Variants in HEXB observed in about 807,000 individuals in gnomAD.
The protein encoded by HEXB is beta-hexosaminidase subunit beta.
In HEXB, 51 loss-of-function variants were observed where a neutral mutation model predicts 71.2. The ratio of observed to expected loss-of-function variants is 0.72; its 90% CI spans 0.57 to 0.90. HEXB has a LOEUF of 0.90. HEXB is among the 40% of genes least tolerant of loss of function. The probability of loss-of-function intolerance (pLI) is 0.00; values close to 1 mark genes in which losing one functional copy is unlikely to be tolerated. For missense variants in HEXB, 617 were observed against 677.0 expected, an observed-to-expected ratio of 0.91 and a Z score of 0.98; for synonymous variants, 266 against 249.3, an observed-to-expected ratio of 1.07 and a Z score of -0.63.
intron 5 of HEXB, among the ~76,000 whole-genome samples, chr5:74,697,353 A>G (rs1749135828): frequency 6.6e-6 from 1 of 152,198 alleles, no homozygotes; most frequent in African/African-American, 2.4e-5. Context: ...CTGTTAAGAG[A>G]AGGACAGTTT....
chr5:74,710,612 G>A (rs1203946384), intron 6 of HEXB, among the ~76,000 whole-genome samples: 1 of 152,218 alleles, frequency 6.6e-6, no homozygotes, highest in South Asian at 2.1e-4. Context: ...AAATCAATGT[G>A]CAAAAATCAC....
intron 1 of HEXB, among the ~76,000 whole-genome samples, chr5:74,659,497 G>A (rs1748279632): frequency 6.6e-6 from 1 of 152,152 alleles, no homozygotes; most frequent in African/African-American, 2.4e-5. Context: ...TTATTGCAGG[G>A]TAGTGAAATA....
At chr5:74,669,772 C>T (rs771930700) in intron 1 of HEXB, among the ~76,000 whole-genome samples, 9 of 152,026 alleles carry the variant, frequency 5.9e-5, no homozygotes, top group African/African-American at 9.7e-5. Context: ...GACAGCAAAA[C>T]GGAAGTTCAG....
At chr5:74,696,798 A>G (rs1390216560) in intron 4 of HEXB, 59 bp downstream of exon 4, 3 of 914,626 alleles carry the variant, frequency 3.3e-6, no homozygotes, top group Non-Finnish European at 5.4e-6. Flanking sequence ...ATAGAAAAAA[A>G]TGTAACCTGT....
At position 74,671,583 on chromosome 5, in the gene HEXB, G is replaced by A. The variant is rs368779991; in HGVS notation, c.-376-17745G>A. On this transcript the variant is annotated intron_variant, in intron 1 of 13. Coordinates refer to the HEXB transcript ENST00000511181. ...ATTGCAAAAGGGCCTGAAGAAACAA[G>A]GGGAGTGATGGGTATGTCCAATATC... Among the ~76,000 whole-genome samples the A allele has an allele frequency of 2.6e-5, 4 of 152,250 alleles. No homozygotes were observed. The East Asian group carries it at 7.7e-4, about 29-fold the overall frequency.
intron 1 of HEXB, among the ~76,000 whole-genome samples, chr5:74,668,129 G>A (rs1222704331): frequency 6.6e-6 from 1 of 152,158 alleles, no homozygotes; most frequent in Non-Finnish European, 1.5e-5. Context: ...ATAGGGACAA[G>A]AAACATTTAC....
chr5:74,688,874 C>T (rs1748931315), intron 1 of HEXB, among the ~76,000 whole-genome samples: 1 of 152,180 alleles, frequency 6.6e-6, no homozygotes, highest in East Asian at 1.9e-4. Context: ...CTTTCCATCT[C>T]TGCTCTGTCC....
Position 74,652,907 on chromosome 5 carries a change from C to T in HEXB, c.-377+12349C>T, listed in dbSNP as rs1209354456. Among the ~76,000 whole-genome samples, 1 of 152,180 alleles carries T rather than the reference C, an allele frequency of 6.6e-6. No individual in the cohort carries two copies. Among genetic ancestry groups the T allele is most frequent in the Non-Finnish European group, 1.5e-5 (1 of 68,036 alleles). ...ACACATCTACGCTAGTGACACATAT[C>T]CCTTTATATACCAGTCATTTTTAAT... On this transcript the variant is annotated intron_variant, in intron 1 of 13. Coordinates refer to the HEXB transcript ENST00000511181. The surrounding 1 kb of genome is among the most constrained non-coding windows in gnomAD (Gnocchi z 5.4).
At chr5:74,709,988 A>G (rs1749499229) in intron 6 of HEXB, among the ~76,000 whole-genome samples, 1 of 134,800 alleles carries the variant, frequency 7.4e-6, no homozygotes, top group African/African-American at 3.5e-5. Flanking sequence ...CAACCAAAAA[A>G]GAGAATTTTA....
At position 74,721,206 on chromosome 5, in the gene HEXB, T is replaced by A; in HGVS notation, c.*31T>A. 6.7e-7 allele frequency: 1 copy of A among 1,488,000 alleles called. No homozygotes were observed. Among genetic ancestry groups the A allele is most frequent in the Non-Finnish European group, 9.4e-7 (1 of 1,065,202 alleles). 92.2% of individuals were successfully genotyped at this position (1,488,000 alleles called of 1,614,324 possible). On this transcript the variant is annotated 3_prime_UTR_variant, in exon 14 of 14. Transcript: ENST00000261416. The stretch of plus-strand genomic sequence containing the variant: ...GGAGGGGAAAAAGGCCACAGCAATC[T>A]GTACTACAATCAACTTTATTTTGAA...
chr5:74,703,495 T>C (rs1749309877), intron 5 of HEXB, among the ~76,000 whole-genome samples: 1 of 152,200 alleles, frequency 6.6e-6, no homozygotes, highest in Admixed American at 6.5e-5. Context: ...GTGTGCTCAT[T>C]GCTACTAGGA....
At chr5:74,695,109 A>T (rs1434536392) in intron 3 of HEXB, among the ~76,000 whole-genome samples, 2 of 152,026 alleles carry the variant, frequency 1.3e-5, no homozygotes, top group East Asian at 3.9e-4. Context: ...TTTACTACAA[A>T]TGTAATTTTA....
At chr5:74,718,092 A>G (rs1209798426) in intron 9 of HEXB, among the ~76,000 whole-genome samples, 199 bp from the exon 10 acceptor site, 4 of 152,140 alleles carry the variant, frequency 2.6e-5, no homozygotes, top group Admixed American at 2.6e-4. Flanking sequence ...CCCCCATACT[A>G]TGTTAGGTTC....
At chr5:74,697,656 G>A (rs960180989) in intron 5 of HEXB, among the ~76,000 whole-genome samples, 2 of 151,218 alleles carry the variant, frequency 1.3e-5, no homozygotes, top group African/African-American at 4.9e-5. Context: ...AACCCTCCCC[G>A]GGTGGAGGTT....
intron 8 of HEXB, 87 bp downstream of exon 8, chr5:74,715,777 G>C: frequency 1.1e-6 from 1 of 921,508 alleles, no homozygotes; most frequent in Non-Finnish European, 1.8e-6. Flanking sequence ...AGCACTTTGG[G>C]AGGCAGAGGC....
intron 1 of HEXB, among the ~76,000 whole-genome samples, chr5:74,688,395 G>A (rs1748921040): frequency 6.6e-6 from 1 of 150,828 alleles, no homozygotes; most frequent in Non-Finnish European, 1.5e-5. Context: ...GCAGTGGTGC[G>A]ATCTTGGCTC....
Position 74,686,169 on chromosome 5 carries a change from C to T in HEXB, c.299+610C>T, listed in dbSNP as rs1052426113. On this transcript the variant is annotated intron_variant, in intron 1 of 13. Coordinates refer to ENST00000261416, the MANE Select transcript of HEXB (RefSeq NM_000521.4). ...GGCAGTATCCAACTTTGTTTCTCAA[C>T]ACCGATCATGTTGCCTGCTCTCCCT... Among the ~76,000 whole-genome samples, 7 of 152,318 alleles carry T rather than the reference C, an allele frequency of 4.6e-5. No individual in the cohort carries two copies. The South Asian group carries it at 1.4e-3, about 32-fold the overall frequency.
upstream of HEXB, among the ~76,000 whole-genome samples, chr5:74,684,957 G>T (rs1455610773): frequency 6.6e-6 from 1 of 152,154 alleles, no homozygotes; most frequent in African/African-American, 2.4e-5. Flanking sequence ...GGCTACAGGC[G>T]TGAGCCACCA....
chr5:74,697,761 C>T (rs1464442057), intron 5 of HEXB, among the ~76,000 whole-genome samples: 1 of 150,458 alleles, frequency 6.6e-6, no homozygotes, highest in East Asian at 2.0e-4. Flanking sequence ...TACGTGGCCA[C>T]CACACCATAC....
Sources: allele counts gnomAD v4.1 joint callset (sites outside exome capture counted in the v4.1 genomes callset), GRCh38; gene constraint gnomAD v4.1.1; non-coding constraint Gnocchi (gnomAD v3.1); transcripts MANE v1.5; gene names NCBI Gene and HGNC (gene_info 2026-07-23, HGNC 2026-07-21).